The following FSTL4 variants were observed in gnomAD, a reference collection of about 807,000 sequenced individuals.
The protein encoded by FSTL4 is follistatin like 4.
Under a neutral mutation model 78.2 loss-of-function variants are expected in FSTL4, and 28 were observed. The observed-to-expected ratio is 0.36, with a 90% CI of 0.27 to 0.49. The LOEUF is 0.49. Ranked by LOEUF, FSTL4 falls within the 20% of genes least tolerant of loss-of-function variation. The probability of loss-of-function intolerance (pLI) is 0.98; values close to 1 mark genes in which losing one functional copy is unlikely to be tolerated. For missense variants in FSTL4, 922 were observed against 1,084.9 expected (o/e 0.85, Z 2.11); for synonymous variants, 422 against 440.5 (o/e 0.96, Z 0.53).
At chr5:133,203,290 G>C (rs990386054) in intron 14 of FSTL4, among the ~76,000 whole-genome samples, 1 of 152,238 alleles carries the variant, frequency 6.6e-6, no homozygotes, top group South Asian at 2.1e-4. Context: ...TGCAGCCTGA[G>C]GCTTGGCCTG....
chr5:133,793,422 C>A, the FSTL4 span, among the ~76,000 whole-genome samples: 2 of 152,264 alleles, frequency 1.3e-5, no homozygotes, highest in South Asian at 4.1e-4. Context: ...CCGCCCACAC[C>A]AACTCATTTG....
chr5:133,626,699 T>A, the FSTL4 span, among the ~76,000 whole-genome samples: 1 of 152,126 alleles, frequency 6.6e-6, no homozygotes. Flanking sequence ...AATTTTCCTG[T>A]ACCTTTCTAT....
intron 2 of FSTL4, among the ~76,000 whole-genome samples, chr5:133,569,241 C>T (rs1395718243): frequency 3.9e-5 from 6 of 152,012 alleles, no homozygotes; most frequent in Non-Finnish European, 8.8e-5. Flanking sequence ...TTTCCAATTC[C>T]TATACTTCCA....
the FSTL4 span, among the ~76,000 whole-genome samples, chr5:133,809,104 G>A: frequency 7.2e-5 from 11 of 152,008 alleles, no homozygotes; most frequent in South Asian, 2.1e-4. Flanking sequence ...GGTGGCTCAC[G>A]CCTGTAATCC....
At chr5:133,778,186 C>T in the FSTL4 span, among the ~76,000 whole-genome samples, 1 of 152,224 alleles carries the variant, frequency 6.6e-6, no homozygotes, top group African/African-American at 2.4e-5. Context: ...GTGGATCAAA[C>T]CACAGGCCCT....
chr5:133,574,719 A>G (rs1007198122), intron 2 of FSTL4: 1 of 152,256 alleles, frequency 6.6e-6, no homozygotes, highest in African/African-American at 2.4e-5. Context: ...TGGCATATCC[A>G]TACAATGGAA....
At chr5:133,740,405 A>C in the FSTL4 span, among the ~76,000 whole-genome samples, 5 of 152,150 alleles carry the variant, frequency 3.3e-5, no homozygotes, top group African/African-American at 1.2e-4. Context: ...ATTAAAATAC[A>C]TATGACACTC....
chr5:133,479,477 G>A (rs375407900), intron 3 of FSTL4, among the ~76,000 whole-genome samples: 2 of 152,212 alleles, frequency 1.3e-5, no homozygotes, highest in South Asian at 2.1e-4. Flanking sequence ...GCCGATGAAC[G>A]GATGCACAAA....
chr5:133,562,991 A>G (rs577705897), intron 3 of FSTL4, among the ~76,000 whole-genome samples: 1 of 152,314 alleles, frequency 6.6e-6, no homozygotes, highest in East Asian at 1.9e-4. Flanking sequence ...AGCTTCAGAA[A>G]AGGGTGAAAT....
At chr5:133,546,929 T>C (rs1430343627) in intron 3 of FSTL4, among the ~76,000 whole-genome samples, 10 of 152,142 alleles carry the variant, frequency 6.6e-5, no homozygotes, top group African/African-American at 2.4e-5. Flanking sequence ...TATGGGGGCA[T>C]GGCTTCCTCC....
the FSTL4 span, among the ~76,000 whole-genome samples, chr5:133,805,704 G>A: frequency 4.6e-5 from 7 of 152,322 alleles, no homozygotes; most frequent in Admixed American, 6.5e-5. Context: ...CCTCCAGGAT[G>A]TCCTGTGCCC....
At chr5:133,620,242 T>C in the FSTL4 span, among the ~76,000 whole-genome samples, 4 of 152,212 alleles carry the variant, frequency 2.6e-5, no homozygotes, top group African/African-American at 9.6e-5. Flanking sequence ...ATATTTTCTA[T>C]GTTTTGTTTA....
At chr5:133,610,626 T>G (rs1328335607) in intron 1 of FSTL4, among the ~76,000 whole-genome samples, 1 of 151,836 alleles carries the variant, frequency 6.6e-6, no homozygotes, top group East Asian at 1.9e-4. Flanking sequence ...GGCTCTGGAG[T>G]CTCAGAAGCT....
intron 4 of FSTL4, among the ~76,000 whole-genome samples, chr5:133,382,057 C>G (rs955200036): frequency 6.6e-6 from 1 of 152,234 alleles, no homozygotes; most frequent in Non-Finnish European, 1.5e-5. Context: ...CCTGCACTTC[C>G]TCCCGGTCAT....
chr5:133,540,720 C>CA (rs79162509), intron 3 of FSTL4, among the ~76,000 whole-genome samples: 3,109 of 69,986 alleles, frequency 0.044, 78 homozygotes, highest in Non-Finnish European at 0.052. Flanking sequence ...TTAACATAGG[C>CA]AAAAAAAAAA....
rs755242872 is a variant in FSTL4 at position 133,567,200 on chromosome 5, A to G, written c.146T>C (p.Val49Ala). The stretch of plus-strand genomic sequence containing the variant: ...ATTTTTCCTACCTTCTCTTCTTGTG[A>G]CTTCAAAGCTTCTGGGCTCCTGCAA... ...SQAEEPRSFE[V>A]TRREGLSSHN... The change falls in exon 3 of 16, where the codon GTC becomes GCC. Residue 49 changes from valine (V) to alanine (A), a missense_variant. By Grantham distance (64) the Val-to-Ala change is moderately conservative. Coordinates refer to ENST00000265342, the MANE Select transcript of FSTL4 (RefSeq NM_015082.2). 1 of 1,609,230 alleles carries G rather than the reference A, an allele frequency of 6.2e-7. No homozygotes were observed. Among genetic ancestry groups the G allele is most frequent in the Non-Finnish European group, 8.5e-7 (1 of 1,175,500 alleles).
chr5:133,204,147 G>A (rs534136310), intron 14 of FSTL4, among the ~76,000 whole-genome samples: 5 of 152,332 alleles, frequency 3.3e-5, no homozygotes, highest in African/African-American at 1.2e-4. Flanking sequence ...ATGTGGAGGG[G>A]TGGGAGAGAA....
At position 133,238,202 on chromosome 5, in the gene FSTL4, A is replaced by G. The variant is rs75965307; in HGVS notation, c.895-4665T>C. 7.2e-3 allele frequency among the ~76,000 whole-genome samples: 1,093 copies of G among 152,306 alleles called. 7 individuals carry two copies. Among genetic ancestry groups the G allele is most frequent in the Non-Finnish European group, 9.8e-3 (665 of 68,024 alleles). ...TGTTCAACGCAAGGACTCCAGAGTA[A>G]TATTAGAGTTTAGGTTAATGATACT... On this transcript the variant is annotated intron_variant, in intron 7 of 15. Coordinates refer to ENST00000265342, the MANE Select transcript of FSTL4 (RefSeq NM_015082.2).
At chr5:133,814,229 G>T in the FSTL4 span, among the ~76,000 whole-genome samples, 1 of 152,220 alleles carries the variant, frequency 6.6e-6, no homozygotes. Flanking sequence ...CTGGGTCTTC[G>T]TGCAAGGTTC....
Sources: gnomAD v4.1 joint callset for allele counts (sites outside exome capture counted in the v4.1 genomes callset) on GRCh38, gnomAD v4.1.1 for gene constraint, MANE v1.5 for transcripts, NCBI Gene and HGNC (gene_info 2026-07-23, HGNC 2026-07-21) for gene names.